Variants in RECQL5 observed in about 807,000 individuals in gnomAD.
RECQL5 encodes ATP-dependent DNA helicase Q5.
In RECQL5, 88 loss-of-function variants were observed where a neutral mutation model predicts 103.4. That is an observed-to-expected ratio of 0.85 (90% CI 0.72 to 1.02). The LOEUF is 1.02. Ranked by LOEUF, RECQL5 falls within the 50% of genes least tolerant of loss-of-function variation. The pLI is 0.00. For missense variants in RECQL5, 1,232 were observed against 1,284.3 expected, an observed-to-expected ratio of 0.96 and a Z score of 0.62; for synonymous variants, 552 against 507.9, an observed-to-expected ratio of 1.09 and a Z score of -1.17.
intron 7 of RECQL5, 59 bp downstream of exon 7, chr17:75,658,238 CT>C: frequency 6.5e-7 from 1 of 1,550,374 alleles, no homozygotes; most frequent in South Asian, 1.2e-5. Flanking sequence ...CAGAAATCAG[CT>C]TCACAAAACT....
chr17:75,632,465 A>AAGGC (rs1484515398), intron 8 of RECQL5, among the ~76,000 whole-genome samples: 1 of 152,236 alleles, frequency 6.6e-6, no homozygotes, highest in African/African-American at 2.4e-5. Flanking sequence ...TTGCATTGCT[A>AAGGC]AGGCAGGCAC....
In RECQL5 at chr17:75,640,604, TGGA is replaced by T. The variant is rs1206908680; in HGVS notation, c.1230-8939_1230-8937del. Among the ~76,000 whole-genome samples the T allele has an allele frequency of 1.3e-5, 2 of 151,974 alleles. No individual in the cohort carries two copies. The highest frequency in any genetic ancestry group is 6.6e-5 in the Admixed American group (1 of 15,256). On this transcript the variant is annotated intron_variant, in intron 8 of 19. Coordinates refer to ENST00000317905, the MANE Select transcript of RECQL5 (RefSeq NM_004259.7). This position sits in a 1 kb window ranked among gnomAD's most constrained non-coding sequence, Gnocchi z 4.6. ...GGGCAGTGAAAGAGAAGACACAACA[TGGA>T]GGAGGTTGGCCCTGGCGGCTGGCAT...
In RECQL5 at chr17:75,631,299, C is replaced by A. The variant is rs377406951; in HGVS notation, c.1449-50G>T. The stretch of plus-strand genomic sequence containing the variant: ...GCCCTGGCCTGGGCTCTGCCCTCCC[C>A]ATGTGTGCTGCTGCTAGAACGGCAA... On this transcript the variant is annotated intron_variant, in intron 9 of 19. Transcript: ENST00000317905. 10 of 1,582,580 alleles carry A rather than the reference C, an allele frequency of 6.3e-6. No individual in the cohort carries two copies. In the Admixed American group the frequency reaches 1.5e-4, roughly 24 times the overall value.
intron 7 of RECQL5, 56 bp downstream of exon 7, chr17:75,658,242 A>G: frequency 1.3e-6 from 2 of 1,560,852 alleles, no homozygotes; most frequent in South Asian, 2.4e-5. Flanking sequence ...AATCAGCTTC[A>G]CAAAACTGGA....
At chr17:75,666,649 T>C in intron 1 of RECQL5, 78 bp from the exon 2 acceptor site, 2 of 1,405,876 alleles carry the variant, frequency 1.4e-6, no homozygotes, top group Non-Finnish European at 1.9e-6. Flanking sequence ...ACAGATTATT[T>C]TTCTGTAACA....
intron 8 of RECQL5, 143 bp downstream of exon 8, chr17:75,651,043 C>T: frequency 3.2e-6 from 5 of 1,558,484 alleles, no homozygotes; most frequent in Non-Finnish European, 4.3e-6. Flanking sequence ...CTGACTTCCA[C>T]ACTGCCCGAC....
At chr17:75,628,499 C>T (rs2059145716) in intron 17 of RECQL5, 57 bp from the exon 18 acceptor site, 2 of 1,575,246 alleles carry the variant, frequency 1.3e-6, no homozygotes, top group Non-Finnish European at 1.7e-6. Context: ...GGCCTGCTCC[C>T]CTCCTCCAGA....
intron 8 of RECQL5, among the ~76,000 whole-genome samples, chr17:75,642,956 G>GCT (rs1261029539): frequency 6.6e-6 from 1 of 152,166 alleles, no homozygotes; most frequent in Non-Finnish European, 1.5e-5. Flanking sequence ...TACAGATAAG[G>GCT]CTCTAATCCA....
In RECQL5 at chr17:75,631,595, G is replaced by C. The variant is rs1245604720; in HGVS notation, c.1303C>G (p.Gln435Glu). 6.2e-7 allele frequency: 1 copy of C among 1,612,928 alleles called. No individual in the cohort carries two copies. Among genetic ancestry groups the C allele is most frequent in the Non-Finnish European group, 8.5e-7 (1 of 1,179,890 alleles). Residue 435 changes from glutamine to glutamate, a missense_variant, in exon 9 of 20, where the codon CAG (glutamine) becomes GAG (glutamate). Coordinates refer to ENST00000317905, the MANE Select transcript of RECQL5 (RefSeq NM_004259.7). ...CGCCTCCGCACGGCCGTGGGGTTCT[G>C]GCAGTGGTCGCAGCCTTTGGCGCAG... ...PACAKGCDHC[Q>E]NPTAVRRRLE... is the part of the protein sequence containing the mutation.
At chr17:75,656,381 T>C (rs904850673) in intron 7 of RECQL5, among the ~76,000 whole-genome samples, 1 of 152,220 alleles carries the variant, frequency 6.6e-6, no homozygotes, top group Non-Finnish European at 1.5e-5. Context: ...CCCAGCCTAC[T>C]GGGGAGCTTT....
intron 7 of RECQL5, among the ~76,000 whole-genome samples, chr17:75,655,160 A>G (rs1051503272): frequency 6.6e-6 from 1 of 152,018 alleles, no homozygotes; most frequent in African/African-American, 2.4e-5. Flanking sequence ...TGCTTTTCAT[A>G]TCCTTTGTTC....
In RECQL5 at chr17:75,629,391, T is replaced by C. The variant is rs762953179; in HGVS notation, c.2032A>G (p.Ile678Val). 3 of 1,510,380 alleles carry C rather than the reference T, an allele frequency of 2.0e-6. No individual in the cohort carries two copies. The highest frequency in any genetic ancestry group is 2.7e-6 in the Non-Finnish European group (3 of 1,130,620). 93.6% of individuals were successfully genotyped at this position (1,510,380 alleles called of 1,614,324 possible). The part of the protein sequence containing the change: ...TATELMETTR[I>V]REQAPQPERG... ...TCGGGCTGGGGGGCTTGCTCCCTGA[T>C]CCGAGTTGTCTCCATCAGTTCCGTG... Residue 678 changes from isoleucine to valine, a missense_variant, in exon 16 of 20, where the codon ATC becomes GTC. Transcript: ENST00000317905.
intron 7 of RECQL5, chr17:75,652,552 G>T (rs1401805284): frequency 1.3e-5 from 2 of 152,624 alleles, no homozygotes; most frequent in African/African-American, 4.8e-5. Flanking sequence ...TAGCAGACAG[G>T]GTGTTGCCTC....
chr17:75,633,993 G>A, intron 8 of RECQL5: 1 of 985,522 alleles, frequency 1.0e-6, no homozygotes, highest in Non-Finnish European at 1.2e-6. Context: ...GGCTTCCTCG[G>A]GCTCCCCCTC....
Position 75,651,129 on chromosome 17 carries a change from C to A in RECQL5, c.1229+57G>T. ...TGTCAGCTGCTTAACTAGGGCGTGC[C>A]GGGGAAGTAAATGATCTCACTGACA... is the stretch of plus-strand genomic sequence containing the variant. On this transcript the variant is annotated intron_variant, in intron 8 of 19. Coordinates refer to ENST00000317905, the MANE Select transcript of RECQL5 (RefSeq NM_004259.7). 7 of 1,613,552 alleles carry A rather than the reference C, an allele frequency of 4.3e-6. No homozygotes were observed. The South Asian group carries it at 6.6e-5, about 15-fold the overall frequency.
chr17:75,629,587 G>T, intron 15 of RECQL5, 112 bp from the exon 16 acceptor site: 1 of 1,504,938 alleles, frequency 6.6e-7, no homozygotes, highest in Non-Finnish European at 8.9e-7. Context: ...GTGTGGGAGG[G>T]AAGAGGCAGG....
At position 75,640,835 on chromosome 17, in the gene RECQL5, A is replaced by C. The variant is rs1031765759; in HGVS notation, c.1230-9167T>G. The C allele has an allele frequency of 6.5e-7, 1 of 1,549,588 alleles. No individual in the cohort carries two copies. The highest frequency in any genetic ancestry group is 1.4e-5 in the African/African-American group (1 of 73,004). Reference sequence around the variant, plus strand: ...GCTGATAGCCTGCAGCTGCTGCTGCACTCACTGCTGCTGCCCTGAGCGGAG... The same window carrying C: ...GCTGATAGCCTGCAGCTGCTGCTGCCCTCACTGCTGCTGCCCTGAGCGGAG... On this transcript the variant is annotated intron_variant, in intron 8 of 19. Coordinates refer to ENST00000317905, the MANE Select transcript of RECQL5 (RefSeq NM_004259.7). This position sits in a 1 kb window ranked among gnomAD's most constrained non-coding sequence, Gnocchi z 4.6.
intron 6 of RECQL5, among the ~76,000 whole-genome samples, 177 bp from the exon 7 acceptor site, chr17:75,658,637 A>G (rs1462098842): frequency 6.6e-6 from 1 of 152,202 alleles, no homozygotes; most frequent in Non-Finnish European, 1.5e-5. Flanking sequence ...TTCTAGAAGC[A>G]GCCCAGCTTA....
chr17:75,659,604 TG>T (rs2059672527), intron 6 of RECQL5, among the ~76,000 whole-genome samples: 1 of 152,196 alleles, frequency 6.6e-6, no homozygotes, highest in African/African-American at 2.4e-5. Flanking sequence ...TCCTCCCATC[TG>T]GTCCTCCCAA....
Sources: allele counts gnomAD v4.1 joint callset (sites outside exome capture counted in the v4.1 genomes callset), GRCh38; gene constraint gnomAD v4.1.1; non-coding constraint Gnocchi (gnomAD v3.1); transcripts MANE v1.5; gene names NCBI Gene and HGNC (gene_info 2026-07-23, HGNC 2026-07-21).